FNIP1: variants seen among roughly 807,000 people sequenced by gnomAD.
FNIP1 encodes the protein folliculin-interacting protein 1.
Under a neutral mutation model 124.5 loss-of-function variants are expected in FNIP1, and 40 were observed. The ratio of observed to expected loss-of-function variants is 0.32; its 90% CI spans 0.25 to 0.42. FNIP1 has a LOEUF of 0.42. Ranked by LOEUF, FNIP1 falls within the 10% of genes least tolerant of loss-of-function variation. FNIP1 has a pLI of 1.00. For synonymous variants in FNIP1, 472 were observed against 470.6 expected, an observed-to-expected ratio of 1.00 and a Z score of -0.04; for missense variants, 1,176 against 1,403.7, an observed-to-expected ratio of 0.84 and a Z score of 2.59.
chr5:131,659,610 C>T (rs1767348290), intron 15 of FNIP1, among the ~76,000 whole-genome samples: 2 of 152,168 alleles, frequency 1.3e-5, no homozygotes, highest in African/African-American at 4.8e-5. Context: ...CGGGGGAGGG[C>T]GTAACCCTCG....
intron 1 of FNIP1, among the ~76,000 whole-genome samples, chr5:131,760,576 C>G (rs1771193771): frequency 6.6e-6 from 1 of 152,092 alleles, no homozygotes; most frequent in South Asian, 2.1e-4. Context: ...GTATACTTAT[C>G]AAACATGAAG....
Position 131,672,754 on chromosome 5 carries a change from T to A in FNIP1, c.1690A>T (p.Met564Leu). 6.2e-7 allele frequency: 1 copy of A among 1,613,786 alleles called. No homozygotes were observed. The highest frequency in any genetic ancestry group is 1.7e-5 in the Admixed American group (1 of 59,936). ...GTGGTAGTAATTACTGTGCCTGGCA[T>A]AACGATGGCTTCATCTTCTCCATTT... ...LENGEDEAIV[M>L]PGTVITTTLE... Residue 564 changes from methionine to leucine, a missense_variant, in exon 14 of 18, where the codon ATG becomes TTG. Transcript: ENST00000510461.
intron 15 of FNIP1, among the ~76,000 whole-genome samples, chr5:131,665,047 A>G (rs1010680528): frequency 2.0e-5 from 3 of 152,060 alleles, no homozygotes; most frequent in African/African-American, 7.2e-5. Flanking sequence ...AGACATATAT[A>G]TGATATATAA....
chr5:131,691,251 T>C (rs1768470844), intron 11 of FNIP1, among the ~76,000 whole-genome samples: 4 of 152,126 alleles, frequency 2.6e-5, no homozygotes, highest in Admixed American at 6.5e-5. Flanking sequence ...AAATAACACA[T>C]AGGTCAAAGA....
chr5:131,708,281 T>C (rs1769180844), intron 8 of FNIP1, among the ~76,000 whole-genome samples: 1 of 152,220 alleles, frequency 6.6e-6, no homozygotes, highest in Admixed American at 6.5e-5. Flanking sequence ...GTTTAGATTT[T>C]TCATTTATAC....
At chr5:131,666,380 A>G (rs1344705706) in intron 15 of FNIP1, among the ~76,000 whole-genome samples, 1 of 152,178 alleles carries the variant, frequency 6.6e-6, no homozygotes, top group African/African-American at 2.4e-5. Flanking sequence ...CAATTACTAA[A>G]ACAGAGGGGG....
At chr5:131,698,330 A>G (rs948508733) in intron 11 of FNIP1, among the ~76,000 whole-genome samples, 5 of 152,326 alleles carry the variant, frequency 3.3e-5, no homozygotes, top group Admixed American at 1.3e-4. Flanking sequence ...CGAGGGAGAC[A>G]TATCAGTCAC....
rs528031108 is a variant in FNIP1 at position 131,782,590 on chromosome 5, A to C, written c.92+14240T>G. ...AATGAAGAAATAAAAAAGAAAGAAA[A>C]AGAGAAAGGAAGGAAGGGAGGGAGG... is the stretch of plus-strand genomic sequence containing the variant. On this transcript the variant is annotated intron_variant, in intron 1 of 17. Transcript: ENST00000510461. Among the ~76,000 whole-genome samples, 6 of 150,794 alleles carry C rather than the reference A, an allele frequency of 4.0e-5. No homozygotes were observed. In the South Asian group the frequency reaches 1.3e-3, roughly 32 times the overall value.
At chr5:131,795,419 G>A (rs1036512678) in intron 1 of FNIP1, among the ~76,000 whole-genome samples, 5 of 152,086 alleles carry the variant, frequency 3.3e-5, no homozygotes, top group Non-Finnish European at 7.4e-5. Context: ...GTAAACCTAC[G>A]TACCCAAAGT....
At position 131,671,871 on chromosome 5, in the gene FNIP1, G is replaced by C. The variant is rs1194863561; in HGVS notation, c.2573C>G (p.Thr858Arg). ...CATACAGCAATGGTCTTTACTATCTGTACTTGTTTTAAATGGAACATCATC... is the reference window on the plus strand; with the variant it reads ...CATACAGCAATGGTCTTTACTATCTCTACTTGTTTTAAATGGAACATCATC... The part of the protein sequence containing the change: ...TIDDVPFKTS[T>R]DSKDHCCMLE... Residue 858 changes from threonine (T) to arginine (R), a missense_variant, in exon 14 of 18, where the codon ACA becomes AGA. Physicochemically the swap from Thr to Arg is moderately conservative, Grantham distance 71. Transcript: ENST00000510461. 1 of 1,614,006 alleles carries C rather than the reference G, an allele frequency of 6.2e-7. No homozygotes were observed. Among genetic ancestry groups the C allele is most frequent in the East Asian group, 2.2e-5 (1 of 44,878 alleles).
intron 1 of FNIP1, among the ~76,000 whole-genome samples, chr5:131,763,459 G>A (rs538591234): frequency 1.3e-5 from 2 of 152,306 alleles, no homozygotes; most frequent in East Asian, 3.9e-4. Flanking sequence ...TCTGTAGGCT[G>A]TACAGGAAGC....
At chr5:131,707,576 C>T (rs934355840) in intron 8 of FNIP1, among the ~76,000 whole-genome samples, 1 of 152,076 alleles carries the variant, frequency 6.6e-6, no homozygotes. Flanking sequence ...TGAACTCATT[C>T]TAAATTACTT....
chr5:131,668,101 A>C lies in FNIP1; in HGVS notation c.3108+2362T>G, dbSNP rs1767653830. Among the ~76,000 whole-genome samples, 3 of 152,334 alleles carry C rather than the reference A, an allele frequency of 2.0e-5. No individual in the cohort carries two copies. In the South Asian group the frequency reaches 6.2e-4, roughly 32 times the overall value. On this transcript the variant is annotated intron_variant, in intron 15 of 17. Coordinates refer to ENST00000510461, the MANE Select transcript of FNIP1 (RefSeq NM_133372.3). The stretch of plus-strand genomic sequence containing the variant: ...AGACTTAATTAAGACTATTATCTAA[A>C]GGTTATCTAACTTGACCTGATAGCT...
At chr5:131,724,840 C>G (rs563017609) in intron 3 of FNIP1, among the ~76,000 whole-genome samples, 1 of 152,114 alleles carries the variant, frequency 6.6e-6, no homozygotes, top group African/African-American at 2.4e-5. Flanking sequence ...TTAGGTCTTA[C>G]GTTTAAGTCT....
rs1017153391 is a variant in FNIP1, at chr5:131,796,856, G to C, written c.66C>G (p.Asp22Glu). ...TGAACCCGCAATCTGGGTCCCGGGC[G>C]TCGCGGCCGGGCGCGCCCAGCCCGG... ...KRTGLGAPGR[D>E]ARDPDCGFSW... Residue 22 changes from aspartate (D) to glutamate (E), a missense_variant, in exon 1 of 18, where the codon GAC becomes GAG. Around this residue, in one of 2 missense-constraint regions of FNIP1, gnomAD observed 1,109 missense variants for 1,288.5 expected, o/e 0.86. Coordinates refer to ENST00000510461, the MANE Select transcript of FNIP1 (RefSeq NM_133372.3). 30 of 1,604,104 alleles carry C rather than the reference G, an allele frequency of 1.9e-5. No individual in the cohort carries two copies. Among genetic ancestry groups the C allele is most frequent in the African/African-American group, 2.7e-5 (2 of 74,738 alleles).
Position 131,710,572 on chromosome 5 carries a change from G to A in FNIP1, c.706+6C>T, listed in dbSNP as rs750307987. The stretch of plus-strand genomic sequence containing the variant: ...AACTAGTCTACCCACACAGCACATC[G>A]CAAACCTGCAAAGAAAGAGGCGCTC... On this transcript the variant is annotated splice_donor_region_variant and intron_variant, in intron 7 of 17. Coordinates refer to ENST00000510461, the MANE Select transcript of FNIP1 (RefSeq NM_133372.3). 8 of 1,612,954 alleles carry A rather than the reference G, an allele frequency of 5.0e-6. No individual in the cohort carries two copies. The highest frequency in any genetic ancestry group is 4.4e-5 in the South Asian group (4 of 90,950).
chr5:131,768,536 A>G (rs1182635397), intron 1 of FNIP1, among the ~76,000 whole-genome samples: 4 of 151,960 alleles, frequency 2.6e-5, no homozygotes, highest in African/African-American at 9.7e-5. Context: ...ACAGGCCAGC[A>G]TGGTGGCTCA....
chr5:131,781,402 G>C (rs996826557), intron 1 of FNIP1, among the ~76,000 whole-genome samples: 1 of 152,222 alleles, frequency 6.6e-6, no homozygotes, highest in African/African-American at 2.4e-5. Flanking sequence ...TCCATAGCCA[G>C]ACAGGAGAAA....
At chr5:131,665,585 T>G (rs147159024) in intron 15 of FNIP1, among the ~76,000 whole-genome samples, 414 of 150,242 alleles carry the variant, frequency 2.8e-3, no homozygotes, top group African/African-American at 9.3e-3. Flanking sequence ...TATATATATA[T>G]ATAGATAGGT....
Sources: gnomAD v4.1 joint callset for allele counts (sites outside exome capture counted in the v4.1 genomes callset) on GRCh38, gnomAD v4.1.1 for gene constraint, gnomAD v4.1.1 regional missense constraint, MANE v1.5 for transcripts, NCBI Gene and HGNC (gene_info 2026-07-23, HGNC 2026-07-21) for gene names.